LARP1: variants seen among roughly 807,000 people sequenced by gnomAD.
The protein encoded by LARP1 is la-related protein 1.
A neutral mutation model predicts 122.7 loss-of-function variants in LARP1; 36 were observed. The observed-to-expected ratio is 0.29, with a 90% CI of 0.22 to 0.39. The LOEUF (loss-of-function observed/expected upper bound fraction) is 0.39. LARP1 is among the 10% of genes least tolerant of loss of function. LARP1 has a pLI of 1.00. For synonymous variants in LARP1, 539 were observed against 528.7 expected (o/e 1.02, Z -0.27); for missense variants, 1,040 against 1,403.6 (o/e 0.74, Z 4.14).
chr5:154,753,317 G>A (rs991603599), upstream of LARP1, among the ~76,000 whole-genome samples: 11 of 152,146 alleles, frequency 7.2e-5, no homozygotes, highest in African/African-American at 1.4e-4. Context: ...ATGGTGGCAC[G>A]TGCCAGTGGT....
chr5:154,796,670 C>T (rs1392416346), intron 8 of LARP1, among the ~76,000 whole-genome samples: 17 of 152,142 alleles, frequency 1.1e-4, no homozygotes, highest in Admixed American at 1.1e-3. Flanking sequence ...AAGCTGCCAG[C>T]AGTGTTCGTT....
At chr5:154,705,407 T>G (rs1396492069) in intron 1 of LARP1, among the ~76,000 whole-genome samples, 1 of 152,148 alleles carries the variant, frequency 6.6e-6, no homozygotes, top group Non-Finnish European at 1.5e-5. Context: ...AGTCTCGCTC[T>G]GTCACCCAGG....
chr5:154,728,133 G>A (rs542849412), intron 1 of LARP1, among the ~76,000 whole-genome samples: 1 of 152,308 alleles, frequency 6.6e-6, no homozygotes, highest in African/African-American at 2.4e-5. Context: ...TGTAATATAA[G>A]TATGAATCAC....
intron 1 of LARP1, chr5:154,729,385 C>T (rs1256930837): frequency 6.2e-6 from 2 of 325,104 alleles, no homozygotes; most frequent in Non-Finnish European, 1.2e-5. Context: ...GAATACCCCA[C>T]AAATGTTACC....
At chr5:154,729,922 GTCCAA>G (rs1256435057) in intron 1 of LARP1, among the ~76,000 whole-genome samples, 3 of 152,182 alleles carry the variant, frequency 2.0e-5, no homozygotes, top group Non-Finnish European at 2.9e-5. Context: ...TGGACCTCTA[GTCCAA>G]GTCAATCTGC....
intron 1 of LARP1, among the ~76,000 whole-genome samples, chr5:154,786,222 G>A (rs147234430): frequency 0.077 from 11,644 of 152,096 alleles, 508 homozygotes; most frequent in Admixed American, 0.14. Context: ...TGTATTTTTA[G>A]TATAGACAGA....
intron 1 of LARP1, among the ~76,000 whole-genome samples, chr5:154,757,919 T>TCC (rs1335197804): frequency 7.9e-6 from 1 of 126,962 alleles, no homozygotes; most frequent in Non-Finnish European, 1.7e-5. Flanking sequence ...CCTTCCCCCC[T>TCC]TTCCCTTCCA....
Position 154,698,598 on chromosome 5 carries a change from AAAAT to A in LARP1, c.-180+15581_-180+15584del, listed in dbSNP as rs374624756. Among the ~76,000 whole-genome samples the A allele has an allele frequency of 9.6e-4, 146 of 152,290 alleles. 2 individuals carry two copies. In the South Asian group the frequency reaches 0.027, roughly 29 times the overall value. ...GGCGACAAGAGCGAGGCTGTGTCTC[AAAAT>A]AAATAAATAAATAAATAAAAATTGA... is the stretch of plus-strand genomic sequence containing the variant. On this transcript the variant is annotated intron_variant, in intron 1 of 18. Coordinates refer to the LARP1 transcript ENST00000687700.
intron 3 of LARP1, among the ~76,000 whole-genome samples, chr5:154,791,274 T>G (rs552411215): frequency 1.7e-4 from 26 of 151,872 alleles, no homozygotes; most frequent in African/African-American, 5.8e-4. Context: ...AGTGCAATGG[T>G]GTAATCTCAG....
At position 154,792,668 on chromosome 5, in the gene LARP1, A is replaced by G. The variant is rs1434875604; in HGVS notation, c.611A>G (p.Lys204Arg). Reference protein sequence around the residue: ...PQPTRKLPPKKDMKEQEKGEG... With the variant: ...PQPTRKLPPKRDMKEQEKGEG... The stretch of plus-strand genomic sequence containing the variant: ...CCTACCCGTAAACTGCCACCCAAGA[A>G]GGACATGAAGGAACAGGAGAAAGGA... The change falls in exon 4 of 19, where the codon AAG becomes AGG. Residue 204 changes from lysine (K) to arginine (R), a missense_variant. By Grantham distance (26) the Lys-to-Arg change is conservative. Coordinates refer to ENST00000518297, the MANE Select transcript of LARP1 (RefSeq NM_033551.3). The G allele has an allele frequency of 6.2e-7, 1 of 1,614,186 alleles. No individual in the cohort carries two copies. The highest frequency in any genetic ancestry group is 8.5e-7 in the Non-Finnish European group (1 of 1,180,024).
In LARP1 at chr5:154,803,659, A is replaced by G. The variant is rs751851465; in HGVS notation, c.2353A>G (p.Thr785Ala). 2 of 1,613,786 alleles carry G rather than the reference A, an allele frequency of 1.2e-6. No homozygotes were observed. Among genetic ancestry groups the G allele is most frequent in the African/African-American group, 1.3e-5 (1 of 74,852 alleles). Reference protein sequence around the residue: ...PNYRNTRTPRTPRTPQLKDSS... With the variant: ...PNYRNTRTPRAPRTPQLKDSS... ...CTACCGCAACACCAGGACCCCTCGCACTCCCCGGACACCACAGCTCAAAGA... is the reference window on the plus strand; with the variant it reads ...CTACCGCAACACCAGGACCCCTCGCGCTCCCCGGACACCACAGCTCAAAGA... Residue 785 changes from threonine to alanine, a missense_variant, in exon 13 of 19, where the codon ACT becomes GCT. By Grantham distance (58) the Thr-to-Ala change is moderately conservative (BLOSUM62 0). This residue lies in a region of LARP1 where 362 missense variants were observed against 533.1 expected (regional missense o/e 0.68). Transcript: ENST00000518297. The surrounding 1 kb of genome is among the most constrained non-coding windows in gnomAD (Gnocchi z 4.4).
At chr5:154,712,273 AC>A (rs1197731926), upstream of LARP1, among the ~76,000 whole-genome samples, 1 of 152,204 alleles carries the variant, frequency 6.6e-6, no homozygotes, top group African/African-American at 2.4e-5. Context: ...GCATGACTAT[AC>A]CATGCTACAG....
intron 8 of LARP1, 32 bp from the exon 9 acceptor site, chr5:154,799,559 C>G: frequency 1.9e-6 from 3 of 1,608,596 alleles, no homozygotes; most frequent in Non-Finnish European, 2.6e-6. Context: ...AGATTTTCTT[C>G]TTAATCCCCT....
At chr5:154,688,552 G>A (rs1754042677) in intron 1 of LARP1, among the ~76,000 whole-genome samples, 1 of 150,402 alleles carries the variant, frequency 6.6e-6, no homozygotes, top group South Asian at 2.1e-4. Context: ...CTACTTGGGA[G>A]GCTGAGGAGG....
intron 1 of LARP1, among the ~76,000 whole-genome samples, chr5:154,781,335 T>C (rs1033344750): frequency 3.9e-5 from 6 of 152,342 alleles, no homozygotes; most frequent in South Asian, 2.1e-4. Flanking sequence ...GGCTCACGCC[T>C]GTAATCCCAG....
rs1158010359 is a variant in LARP1, at chr5:154,797,221, G to GTTTTT, written c.1377+1927_1377+1931dup. On this transcript the variant is annotated intron_variant, in intron 8 of 18. Transcript: ENST00000518297. ...GGAGTTATTCTGTTTTGTTGTTGTTGTTTTTTTTTTTTTTTTTTTTTTTTT... is the reference window on the plus strand; with the variant it reads ...GGAGTTATTCTGTTTTGTTGTTGTTGTTTTTTTTTTTTTTTTTTTTTTTTTTTTTT... Among the ~76,000 whole-genome samples the GTTTTT allele has an allele frequency of 5.9e-3, 176 of 29,778 alleles. 8 individuals carry two copies. The highest frequency in any genetic ancestry group is 9.6e-3 in the East Asian group (8 of 832). The allele number at this position is 29,778 out of a possible 152,430, so 19.5% of individuals were successfully genotyped here. A position where few individuals can be genotyped will look rare whatever the true frequency, so the allele number is the denominator to read the frequency against.
chr5:154,746,012 A>G lies in LARP1; in HGVS notation c.205+32882A>G, dbSNP rs146408813. Among the ~76,000 whole-genome samples, 252 of 152,138 alleles carry G rather than the reference A, an allele frequency of 1.7e-3. 1 individual carries two copies. The highest frequency in any genetic ancestry group is 0.013 in the East Asian group (69 of 5,174). On this transcript the variant is annotated intron_variant, in intron 1 of 18. Transcript: ENST00000336314. The stretch of plus-strand genomic sequence containing the variant: ...GGTTTCACCATGTTGGCCGGCCAGG[A>G]TAGTCTCAATCTCCTGACCTCGTGA...
At chr5:154,769,695 T>A (rs1226696712) in intron 1 of LARP1, among the ~76,000 whole-genome samples, 2 of 152,214 alleles carry the variant, frequency 1.3e-5, no homozygotes, top group African/African-American at 4.8e-5. Flanking sequence ...GCGAAATGGA[T>A]ATAGCATCTT....
intron 1 of LARP1, among the ~76,000 whole-genome samples, chr5:154,778,676 T>C (rs1035352749): frequency 1.3e-5 from 2 of 152,190 alleles, no homozygotes; most frequent in African/African-American, 4.8e-5. Context: ...CTGAAGACAC[T>C]GGAGGGTAGT....
Sources: allele counts gnomAD v4.1 joint callset (sites outside exome capture counted in the v4.1 genomes callset), GRCh38; gene constraint gnomAD v4.1.1; regional missense constraint gnomAD v4.1.1; non-coding constraint Gnocchi (gnomAD v3.1); transcripts MANE v1.5; gene names NCBI Gene and HGNC (gene_info 2026-07-23, HGNC 2026-07-21).